NALF1: variants seen among roughly 807,000 people sequenced by gnomAD.
The protein encoded by NALF1 is NALCN channel auxiliary factor 1, also known as family with sequence similarity 155 member A.
A neutral mutation model predicts 48.4 loss-of-function variants in NALF1; 3 were observed. The observed-to-expected ratio is 0.06, with a 90% CI of 0.03 to 0.16. The LOEUF (loss-of-function observed/expected upper bound fraction) is 0.16. Ranked by LOEUF, NALF1 falls within the 10% of genes least tolerant of loss-of-function variation. The pLI is 1.00. For missense variants in NALF1, 526 were observed against 571.5 expected, an observed-to-expected ratio of 0.92 and a Z score of 0.81; for synonymous variants, 262 against 245.7, an observed-to-expected ratio of 1.07 and a Z score of -0.62.
intron 1 of NALF1, among the ~76,000 whole-genome samples, chr13:107,319,489 G>A (rs1038506229): frequency 2.0e-5 from 3 of 151,970 alleles, no homozygotes; most frequent in African/African-American, 7.2e-5. Context: ...CGCAATATAA[G>A]GAGTATACTT....
chr13:107,749,469 A>G (rs1355664140), intron 1 of NALF1, among the ~76,000 whole-genome samples: 3 of 152,124 alleles, frequency 2.0e-5, no homozygotes, highest in African/African-American at 4.8e-5. Flanking sequence ...CAAAAAACAA[A>G]AAAGGTGAAC....
chr13:107,696,120 A>G (rs1881696077), intron 1 of NALF1, among the ~76,000 whole-genome samples: 3 of 151,852 alleles, frequency 2.0e-5, no homozygotes, highest in Admixed American at 2.0e-4. Flanking sequence ...CTGGCCTTGA[A>G]CTCTGATCTC....
chr13:107,705,883 T>G (rs890573480), intron 1 of NALF1, among the ~76,000 whole-genome samples: 5 of 152,132 alleles, frequency 3.3e-5, no homozygotes, highest in Non-Finnish European at 7.4e-5. Context: ...CATATATTTA[T>G]AGGCATAAGA....
chr13:107,707,888 AT>A (rs1325803691), intron 1 of NALF1, among the ~76,000 whole-genome samples: 8 of 152,040 alleles, frequency 5.3e-5, no homozygotes, highest in Admixed American at 4.6e-4. Context: ...GTTTACTCCA[AT>A]TTTTCATCTT....
chr13:107,257,493 T>G (rs1370416029), intron 1 of NALF1, among the ~76,000 whole-genome samples: 10 of 143,466 alleles, frequency 7.0e-5, no homozygotes, highest in Non-Finnish European at 1.5e-4. Context: ...TCTTCTGCTT[T>G]TTTTTTTTTT....
intron 2 of NALF1, among the ~76,000 whole-genome samples, chr13:107,186,407 C>T (rs769834221): frequency 5.3e-4 from 80 of 152,238 alleles, no homozygotes; most frequent in Admixed American, 2.6e-3. Context: ...CTCGCTCTGT[C>T]GCCAGGCTGG....
chr13:107,567,366 A>C (rs1461450412), intron 1 of NALF1, among the ~76,000 whole-genome samples: 2 of 152,240 alleles, frequency 1.3e-5, no homozygotes, highest in Non-Finnish European at 2.9e-5. Context: ...AAAAATAAAA[A>C]TAAAAGACTT....
chr13:107,827,156 T>C (rs1459469317), intron 1 of NALF1, among the ~76,000 whole-genome samples: 6 of 152,252 alleles, frequency 3.9e-5, no homozygotes, highest in African/African-American at 1.4e-4. Context: ...TATTGTAATA[T>C]ACTTGTTTTA....
chr13:107,773,387 C>A (rs58697861), intron 1 of NALF1, among the ~76,000 whole-genome samples: 3,720 of 152,154 alleles, frequency 0.024, 156 homozygotes, highest in African/African-American at 0.085. Flanking sequence ...AGACTAATGT[C>A]TTTGTTTAAA....
chr13:107,296,186 T>A (rs1481661667), intron 1 of NALF1, among the ~76,000 whole-genome samples: 1 of 152,244 alleles, frequency 6.6e-6, no homozygotes, highest in East Asian at 1.9e-4. Flanking sequence ...TTCCCCAAAC[T>A]GGATTTTCTC....
chr13:107,726,267 C>T (rs374128690), intron 1 of NALF1, among the ~76,000 whole-genome samples: 6 of 152,132 alleles, frequency 3.9e-5, no homozygotes, highest in African/African-American at 1.4e-4. Context: ...AGAAATGGGT[C>T]CTTTCATATT....
chr13:107,407,584 T>C (rs947022619), intron 1 of NALF1, among the ~76,000 whole-genome samples: 3 of 151,900 alleles, frequency 2.0e-5, no homozygotes, highest in Non-Finnish European at 1.5e-5. Context: ...GTTAAAATGG[T>C]TTATATCCAA....
intron 1 of NALF1, among the ~76,000 whole-genome samples, chr13:107,519,267 G>C (rs1341702311): frequency 6.6e-6 from 1 of 151,926 alleles, no homozygotes; most frequent in African/African-American, 2.4e-5. Flanking sequence ...CAATTTATTT[G>C]ATTGCAGGTT....
At chr13:107,636,652 A>G (rs1473395683) in intron 1 of NALF1, among the ~76,000 whole-genome samples, 1 of 152,114 alleles carries the variant, frequency 6.6e-6, no homozygotes, top group African/African-American at 2.4e-5. Flanking sequence ...AAAGGGAAAT[A>G]GACTTTAAAG....
intron 1 of NALF1, among the ~76,000 whole-genome samples, chr13:107,698,128 A>C (rs1296174319): frequency 6.6e-6 from 1 of 152,152 alleles, no homozygotes; most frequent in Non-Finnish European, 1.5e-5. Flanking sequence ...ACTGATAGCA[A>C]TTACTTGCTA....
At chr13:107,527,162 G>A (rs1444298253) in intron 1 of NALF1, among the ~76,000 whole-genome samples, 1 of 152,120 alleles carries the variant, frequency 6.6e-6, no homozygotes, top group Non-Finnish European at 1.5e-5. Context: ...GGACTATGAT[G>A]TGCTAGTTTT....
chr13:107,579,648 TTTC>T (rs1466180091), intron 1 of NALF1, among the ~76,000 whole-genome samples: 1 of 137,724 alleles, frequency 7.3e-6, no homozygotes, highest in East Asian at 2.2e-4. Context: ...TTAAGCTATT[TTTC>T]TTTTTTTTTT....
intron 1 of NALF1, among the ~76,000 whole-genome samples, chr13:107,330,536 C>T (rs1882450159): frequency 6.6e-6 from 1 of 152,208 alleles, no homozygotes; most frequent in African/African-American, 2.4e-5. Context: ...TTAGTAAACA[C>T]AACATAAGGG....
chr13:107,484,636 T>C (rs1885300523), intron 1 of NALF1, among the ~76,000 whole-genome samples: 2 of 152,254 alleles, frequency 1.3e-5, no homozygotes, highest in South Asian at 4.1e-4. Flanking sequence ...CCCCAATTCC[T>C]TGGTAGCTCT....
Sources: allele counts gnomAD v4.1 joint callset (sites outside exome capture counted in the v4.1 genomes callset), GRCh38; gene constraint gnomAD v4.1.1; transcripts MANE v1.5; gene names NCBI Gene and HGNC (gene_info 2026-07-23, HGNC 2026-07-21).